SCFD2: variants seen among roughly 807,000 people sequenced by gnomAD.
SCFD2 encodes the protein sec1 family domain containing 2.
A neutral mutation model predicts 58.9 loss-of-function variants in SCFD2; 54 were observed. The observed-to-expected ratio is 0.92, with a 90% confidence interval of 0.74 to 1.15. The LOEUF is 1.15. SCFD2 is among the 50% of genes most tolerant of loss of function. The pLI is 0.00. For synonymous variants in SCFD2, 321 were observed against 335.9 expected, an observed-to-expected ratio of 0.96 and a Z score of 0.49; for missense variants, 805 against 836.6, an observed-to-expected ratio of 0.96 and a Z score of 0.47.
At chr4:52,968,481 C>T (rs527295441) in intron 5 of SCFD2, among the ~76,000 whole-genome samples, 1 of 152,054 alleles carries the variant, frequency 6.6e-6, no homozygotes, top group African/African-American at 2.4e-5. Context: ...AATAGGTGAT[C>T]GGGTGTATGG....
chr4:53,358,268 C>T (rs1734454830), intron 1 of SCFD2, among the ~76,000 whole-genome samples: 1 of 152,078 alleles, frequency 6.6e-6, no homozygotes, highest in Non-Finnish European at 1.5e-5. Flanking sequence ...CATGAAGCTG[C>T]CTGTAATGCC....
chr4:53,068,168 T>C (rs939939189), intron 5 of SCFD2, among the ~76,000 whole-genome samples: 10 of 151,512 alleles, frequency 6.6e-5, no homozygotes, highest in African/African-American at 2.4e-4. Flanking sequence ...AAAATTTTCA[T>C]AGATATTTTT....
chr4:53,076,545 G>A (rs1200653347), intron 5 of SCFD2, among the ~76,000 whole-genome samples: 2 of 152,060 alleles, frequency 1.3e-5, no homozygotes, highest in Non-Finnish European at 2.9e-5. Context: ...ATATCTAGTT[G>A]GCCTTGTGTC....
At chr4:52,893,244 C>G (rs906759384) in intron 7 of SCFD2, among the ~76,000 whole-genome samples, 4 of 151,938 alleles carry the variant, frequency 2.6e-5, no homozygotes, top group African/African-American at 7.3e-5. Context: ...TTCTCTCTCT[C>G]TCTCTCTTTC....
intron 5 of SCFD2, among the ~76,000 whole-genome samples, chr4:53,108,289 A>G (rs933400086): frequency 6.6e-6 from 1 of 152,224 alleles, no homozygotes; most frequent in African/African-American, 2.4e-5. Context: ...TAAAGTTGAC[A>G]TCCTAACATC....
chr4:53,357,426 C>T (rs889637675), intron 1 of SCFD2, among the ~76,000 whole-genome samples: 2 of 143,022 alleles, frequency 1.4e-5, no homozygotes, highest in Non-Finnish European at 3.0e-5. Context: ...AAGACTCTGT[C>T]TCAAAAAAAA....
chr4:53,157,199 T>C (rs1726715806), intron 4 of SCFD2, among the ~76,000 whole-genome samples: 1 of 152,236 alleles, frequency 6.6e-6, no homozygotes, highest in African/African-American at 2.4e-5. Flanking sequence ...ATCTGTATAA[T>C]TTGGTGAATC....
Position 53,365,175 on chromosome 4 carries a change from G to T in SCFD2, c.767C>A (p.Ala256Glu), listed in dbSNP as rs147960965. 15 of 1,614,184 alleles carry T rather than the reference G, an allele frequency of 9.3e-6. No homozygotes were observed. In the South Asian group the frequency reaches 1.5e-4, roughly 17 times the overall value. The change falls in exon 1 of 9, where the codon GCA becomes GAA. Residue 256 changes from alanine to glutamate, a missense_variant. Coordinates refer to ENST00000401642, the MANE Select transcript of SCFD2 (RefSeq NM_152540.4). The surrounding 1 kb of genome is among the most constrained non-coding windows in gnomAD (Gnocchi z 4.3). The part of the protein sequence containing the change: ...IAADLANYAP[A>E]KNRKKTAAGR... ...TGCAGCAGTCTTCTTCCTGTTCTTT[G>T]CAGGGGCATAATTGGCCAGATCCGC...
intron 5 of SCFD2, among the ~76,000 whole-genome samples, chr4:53,014,585 C>T (rs542731395): frequency 1.7e-4 from 26 of 152,292 alleles, no homozygotes; most frequent in South Asian, 4.1e-4. Context: ...TAGGCACAAC[C>T]CTCTCCAAGT....
chr4:53,103,370 G>C (rs1246457796), intron 5 of SCFD2, among the ~76,000 whole-genome samples: 1 of 152,076 alleles, frequency 6.6e-6, no homozygotes, highest in South Asian at 2.1e-4. Context: ...TGTTGGTGTG[G>C]AAGTGTGCAG....
At chr4:53,010,445 G>A (rs925619004) in intron 5 of SCFD2, among the ~76,000 whole-genome samples, 2 of 152,204 alleles carry the variant, frequency 1.3e-5, no homozygotes, top group Non-Finnish European at 2.9e-5. Context: ...TGTGCTTTTA[G>A]AGGCAGACAC....
At chr4:53,294,158 C>T (rs1176754194) in intron 3 of SCFD2, among the ~76,000 whole-genome samples, 1 of 152,122 alleles carries the variant, frequency 6.6e-6, no homozygotes, top group Non-Finnish European at 1.5e-5. Context: ...GGTATATACC[C>T]AGTAACGGGA....
chr4:53,106,588 C>T lies in SCFD2; in HGVS notation c.1561+38745G>A, dbSNP rs565699609. Among the ~76,000 whole-genome samples the T allele has an allele frequency of 5.3e-5, 8 of 151,816 alleles. No individual in the cohort carries two copies. The South Asian group carries it at 8.4e-4, about 16-fold the overall frequency. The stretch of plus-strand genomic sequence containing the variant: ...TGAAGCATACACAAGTATCAATAGC[C>T]GAATGATCAAGAGGAAGAAAGGATA... On this transcript the variant is annotated intron_variant, in intron 5 of 8. Coordinates refer to ENST00000401642, the MANE Select transcript of SCFD2 (RefSeq NM_152540.4).
At chr4:53,356,760 A>T in intron 1 of SCFD2, among the ~76,000 whole-genome samples, 1 of 134,268 alleles carries the variant, frequency 7.4e-6, no homozygotes. Flanking sequence ...TTGTTGAGAC[A>T]TAGTCTTGCT....
intron 3 of SCFD2, among the ~76,000 whole-genome samples, chr4:53,282,652 T>C (rs1297004913): frequency 2.0e-5 from 3 of 152,074 alleles, no homozygotes; most frequent in African/African-American, 7.2e-5. Flanking sequence ...TATGTATCTA[T>C]ACATAATAGA....
chr4:53,006,135 A>G (rs949040485), intron 5 of SCFD2, among the ~76,000 whole-genome samples: 4 of 152,214 alleles, frequency 2.6e-5, no homozygotes, highest in Admixed American at 6.5e-5. Flanking sequence ...AGAGGGACCC[A>G]GTCATTCCTC....
chr4:53,262,498 C>A (rs560666264), intron 4 of SCFD2, among the ~76,000 whole-genome samples: 22 of 152,290 alleles, frequency 1.4e-4, no homozygotes, highest in African/African-American at 4.8e-4. Context: ...TGTATCTTTC[C>A]TTCATTTATG....
At chr4:52,963,384 C>T (rs976600072) in intron 5 of SCFD2, among the ~76,000 whole-genome samples, 3 of 152,224 alleles carry the variant, frequency 2.0e-5, no homozygotes, top group Non-Finnish European at 2.9e-5. Flanking sequence ...ACATATACTT[C>T]ATTCTTTTGC....
chr4:53,138,924 G>C (rs1312580747), intron 5 of SCFD2, among the ~76,000 whole-genome samples: 2 of 127,568 alleles, frequency 1.6e-5, no homozygotes, highest in Non-Finnish European at 3.2e-5. Context: ...ATGCCCAGCC[G>C]AGGCTGGACT....
Sources: gnomAD v4.1 joint callset for allele counts (sites outside exome capture counted in the v4.1 genomes callset) on GRCh38, gnomAD v4.1.1 for gene constraint, Gnocchi (gnomAD v3.1) non-coding constraint, MANE v1.5 for transcripts, NCBI Gene and HGNC (gene_info 2026-07-23, HGNC 2026-07-21) for gene names.